The following OR2L13 variants were observed in gnomAD, a reference collection of about 807,000 sequenced individuals.
The protein encoded by OR2L13 is olfactory receptor family 2 subfamily L member 13.
A neutral mutation model predicts 15.3 loss-of-function variants in OR2L13; 14 were observed. The ratio of observed to expected loss-of-function variants is 0.91; its 90% CI spans 0.60 to 1.43. OR2L13 has a LOEUF of 1.43. OR2L13 is among the 40% of genes most tolerant of loss of function. The probability of loss-of-function intolerance (pLI) is 0.00; values close to 1 mark genes in which losing one functional copy is unlikely to be tolerated. For missense variants in OR2L13, 367 were observed against 387.9 expected (o/e 0.95, Z 0.45); for synonymous variants, 152 against 142.9 (o/e 1.06, Z -0.45).
the OR2L13 span, among the ~76,000 whole-genome samples, chr1:247,963,346 CT>C: frequency 1.3e-5 from 2 of 152,128 alleles, no homozygotes; most frequent in African/African-American, 2.4e-5. Flanking sequence ...TGGGAGTTTC[CT>C]TTGGTATGTT....
chr1:248,049,524 A>T, the OR2L13 span, among the ~76,000 whole-genome samples: 1 of 152,170 alleles, frequency 6.6e-6, no homozygotes, highest in Non-Finnish European at 1.5e-5. Flanking sequence ...CAAGATAGAA[A>T]ATATCTTTCA....
At chr1:247,961,067 G>A in the OR2L13 span, among the ~76,000 whole-genome samples, 1 of 152,104 alleles carries the variant, frequency 6.6e-6, no homozygotes, top group African/African-American at 2.4e-5. Flanking sequence ...GTTCCTATTC[G>A]GCCATCTTGG....
chr1:248,078,483 C>A, the OR2L13 span, among the ~76,000 whole-genome samples: 1 of 151,680 alleles, frequency 6.6e-6, no homozygotes, highest in Admixed American at 6.6e-5. Context: ...CACACACACA[C>A]ATACACACAC....
the OR2L13 span, among the ~76,000 whole-genome samples, chr1:248,036,420 A>G: frequency 6.6e-6 from 1 of 152,222 alleles, no homozygotes; most frequent in Non-Finnish European, 1.5e-5. Flanking sequence ...AGACATCTTC[A>G]TTCCTGAAAA....
At chr1:247,943,154 C>G in the OR2L13 span, among the ~76,000 whole-genome samples, 1 of 152,110 alleles carries the variant, frequency 6.6e-6, no homozygotes, top group East Asian at 1.9e-4. Context: ...AATAATGTTG[C>G]TATAAACATG....
At chr1:247,958,505 T>C in the OR2L13 span, among the ~76,000 whole-genome samples, 1 of 152,234 alleles carries the variant, frequency 6.6e-6, no homozygotes, top group South Asian at 2.1e-4. Flanking sequence ...TTTGTTAACT[T>C]TCTGTCTCTT....
the OR2L13 span, chr1:248,003,111 A>G: frequency 3.5e-6 from 4 of 1,158,618 alleles, no homozygotes; most frequent in South Asian, 3.8e-5. Context: ...TCCCTTCCGG[A>G]TGGATTGTAG....
chr1:248,060,798 T>G, the OR2L13 span: 28 of 1,614,010 alleles, frequency 1.7e-5, no homozygotes, highest in Admixed American at 4.5e-4. Context: ...TGGCTCTAAT[T>G]GGAAACCTAT....
At chr1:247,971,729 G>C in the OR2L13 span, among the ~76,000 whole-genome samples, 15 of 152,116 alleles carry the variant, frequency 9.9e-5, no homozygotes, top group South Asian at 2.1e-4. Flanking sequence ...AAATTTACAA[G>C]GATATTCAGG....
the OR2L13 span, among the ~76,000 whole-genome samples, chr1:248,068,170 T>A: frequency 6.6e-6 from 1 of 152,206 alleles, no homozygotes. Context: ...CAGCTGGAGA[T>A]CTGAGAAAGG....
chr1:247,944,457 C>G, the OR2L13 span, among the ~76,000 whole-genome samples: 1 of 152,086 alleles, frequency 6.6e-6, no homozygotes, highest in Non-Finnish European at 1.5e-5. Context: ...TGCTCTCCCC[C>G]AAATTGTCCT....
the OR2L13 span, chr1:248,062,032 G>C: frequency 6.2e-6 from 1 of 161,402 alleles, no homozygotes; most frequent in Non-Finnish European, 1.4e-5. Flanking sequence ...CTCTTGACTT[G>C]GTGTATCTAG....
chr1:248,009,314 G>C, the OR2L13 span, among the ~76,000 whole-genome samples: 7 of 151,450 alleles, frequency 4.6e-5, no homozygotes, highest in African/African-American at 1.7e-4. Flanking sequence ...GAATAAAATA[G>C]ACACAATAAA....
chr1:248,087,517 T>C, the OR2L13 span: 1 of 152,186 alleles, frequency 6.6e-6, no homozygotes, highest in Non-Finnish European at 1.5e-5. Context: ...TCACAGCCAG[T>C]GTGACATATA....
At chr1:247,974,295 A>G in the OR2L13 span, among the ~76,000 whole-genome samples, 4 of 152,116 alleles carry the variant, frequency 2.6e-5, no homozygotes, top group Admixed American at 6.6e-5. Flanking sequence ...GAGGGATAGC[A>G]TTAGGACAAA....
the OR2L13 span, among the ~76,000 whole-genome samples, chr1:248,067,493 T>C: frequency 1.2e-3 from 179 of 152,352 alleles, 1 homozygote; most frequent in Admixed American, 2.4e-3. Flanking sequence ...CTTTAATAGC[T>C]AAATAATATG....
the OR2L13 span, chr1:248,013,673 A>C: frequency 6.6e-6 from 1 of 152,132 alleles, no homozygotes; most frequent in Non-Finnish European, 1.5e-5. Context: ...TGTTCATATG[A>C]TGACTATACG....
At chr1:247,990,980 C>T in the OR2L13 span, 24 of 1,502,336 alleles carry the variant, frequency 1.6e-5, no homozygotes, top group Admixed American at 5.0e-5. Flanking sequence ...AAGGCCTATT[C>T]GACCTGCAGC....
At chr1:248,064,338 G>T in the OR2L13 span, among the ~76,000 whole-genome samples, 1 of 152,088 alleles carries the variant, frequency 6.6e-6, no homozygotes, top group Non-Finnish European at 1.5e-5. Context: ...GCCATCTAGG[G>T]TGTCGTAGAA....
Sources: gnomAD v4.1 joint callset for allele counts (sites outside exome capture counted in the v4.1 genomes callset) on GRCh38, gnomAD v4.1.1 for gene constraint, MANE v1.5 for transcripts, NCBI Gene and HGNC (gene_info 2026-07-23, HGNC 2026-07-21) for gene names.